Variants in AFG3L2 observed in about 807,000 individuals in gnomAD.
AFG3L2 encodes the protein mitochondrial inner membrane m-AAA protease component AFG3L2.
In AFG3L2, 54 loss-of-function variants were observed where a neutral mutation model predicts 94.5. The ratio of observed to expected loss-of-function variants is 0.57; its 90% confidence interval spans 0.46 to 0.72. The LOEUF (loss-of-function observed/expected upper bound fraction) is 0.72, where lower values mean the gene tolerates loss of function less well. AFG3L2 is among the 30% of genes least tolerant of loss of function. The probability of loss-of-function intolerance (pLI) is 0.00; values close to 1 mark genes in which losing one functional copy is unlikely to be tolerated. For synonymous variants in AFG3L2, 377 were observed against 365.5 expected, an observed-to-expected ratio of 1.03 and a Z score of -0.36; for missense variants, 754 against 994.9, an observed-to-expected ratio of 0.76 and a Z score of 3.26.
chr18:12,370,078 A>G (rs1301949910), intron 3 of AFG3L2, among the ~76,000 whole-genome samples: 1 of 149,838 alleles, frequency 6.7e-6, no homozygotes, highest in Non-Finnish European at 1.5e-5. Flanking sequence ...AAAAAAAAAA[A>G]GCAAGGAAGT....
rs368495001 is a variant in AFG3L2, at chr18:12,368,473, T to TA, written c.293-1092dup. Among the ~76,000 whole-genome samples the TA allele has an allele frequency of 3.9e-5, 6 of 152,294 alleles. No homozygotes were observed. The South Asian group carries it at 6.2e-4, about 16-fold the overall frequency. The stretch of plus-strand genomic sequence containing the variant: ...AAAGCCCATGGTTTTGACAAATGGC[T>TA]AAAAAAACACACCCACAGTTGGTAT... On this transcript the variant is annotated intron_variant, in intron 3 of 16. Coordinates refer to ENST00000269143, the MANE Select transcript of AFG3L2 (RefSeq NM_006796.3).
At chr18:12,348,200 C>A in intron 13 of AFG3L2, 73 bp downstream of exon 13, 1 of 1,326,192 alleles carries the variant, frequency 7.5e-7, no homozygotes, top group Non-Finnish European at 1.1e-6. Context: ...TAGTTCTTGC[C>A]CAAACAGAGA....
intron 12 of AFG3L2, 85 bp from the exon 13 acceptor site, chr18:12,348,468 T>C: frequency 1.9e-6 from 2 of 1,032,208 alleles, no homozygotes; most frequent in Non-Finnish European, 1.5e-6. Context: ...AATCCATAGT[T>C]AATTTTTAAA....
chr18:12,331,808 AATATAT>A (rs35558132), intron 16 of AFG3L2, among the ~76,000 whole-genome samples: 66 of 146,336 alleles, frequency 4.5e-4, no homozygotes, highest in African/African-American at 1.7e-3. Context: ...TAAATAAATA[AATATAT>A]ATATATATAT....
chr18:12,376,430 G>A (rs921051904), intron 1 of AFG3L2, among the ~76,000 whole-genome samples: 12 of 152,200 alleles, frequency 7.9e-5, no homozygotes, highest in African/African-American at 1.2e-4. Context: ...CTGAGAGCAG[G>A]CCCTGATATG....
intron 5 of AFG3L2, among the ~76,000 whole-genome samples, 164 bp downstream of exon 5, chr18:12,366,801 G>A (rs912168719): frequency 6.6e-6 from 1 of 152,182 alleles, no homozygotes; most frequent in African/African-American, 2.4e-5. Context: ...GTCAAAACAC[G>A]GGTTCTCTAG....
chr18:12,350,907 C>A (rs969575056), intron 12 of AFG3L2, among the ~76,000 whole-genome samples, 178 bp downstream of exon 12: 2 of 152,130 alleles, frequency 1.3e-5, no homozygotes, highest in African/African-American at 4.8e-5. Flanking sequence ...ATGATTACAC[C>A]ACTCAGTCCA....
chr18:12,354,070 T>G (rs542858236), intron 9 of AFG3L2, among the ~76,000 whole-genome samples: 31 of 147,964 alleles, frequency 2.1e-4, no homozygotes, highest in African/African-American at 7.7e-4. Context: ...ACTCAGCACC[T>G]CACCATCAGT....
chr18:12,359,915 A>G lies in AFG3L2; in HGVS notation c.752+12T>C. On this transcript the variant is annotated intron_variant, in intron 7 of 16. Transcript: ENST00000269143. The stretch of plus-strand genomic sequence containing the variant: ...CAGTCAACAGTCTACAAAATATTAT[A>G]TTTGAGATTACCCATCACTTTCAGC... 6.2e-7 allele frequency: 1 copy of G among 1,612,736 alleles called. No homozygotes were observed.
chr18:12,355,058 A>G (rs1267127987), intron 9 of AFG3L2, among the ~76,000 whole-genome samples: 1 of 152,064 alleles, frequency 6.6e-6, no homozygotes, highest in African/African-American at 2.4e-5. Context: ...TCTCTACTAA[A>G]AATACAAAAA....
chr18:12,338,845 T>C (rs1907839268), intron 15 of AFG3L2, among the ~76,000 whole-genome samples: 2 of 152,124 alleles, frequency 1.3e-5, no homozygotes, highest in Admixed American at 6.5e-5. Context: ...TGACATATGA[T>C]ATGAAAGATC....
intron 16 of AFG3L2, among the ~76,000 whole-genome samples, chr18:12,335,737 G>T (rs904805068): frequency 6.6e-6 from 1 of 152,166 alleles, no homozygotes; most frequent in African/African-American, 2.4e-5. Flanking sequence ...CATCCTTCTG[G>T]GTACCTCGGC....
At chr18:12,360,372 C>T in intron 6 of AFG3L2, 1 of 311,596 alleles carries the variant, frequency 3.2e-6, no homozygotes, top group Non-Finnish European at 6.0e-6. Flanking sequence ...TTTCCCTCTT[C>T]CTCTATTTCC....
chr18:12,340,322 T>A lies in AFG3L2; in HGVS notation c.1859A>T (p.Gln620Leu). 1 of 1,614,082 alleles carries A rather than the reference T, an allele frequency of 6.2e-7. No homozygotes were observed. Among genetic ancestry groups the A allele is most frequent in the Non-Finnish European group, 8.5e-7 (1 of 1,179,902 alleles). Reference protein sequence around the residue: ...PKEQYLYTKEQLLDRMCMTLG... With the variant: ...PKEQYLYTKELLLDRMCMTLG... The stretch of plus-strand genomic sequence containing the variant: ...AGTCATACACATCCTATCCAAGAGC[T>A]GCTCTTTGGTATAGAGGTATTGTTC... Residue 620 changes from glutamine (Q) to leucine (L), a missense_variant, in exon 15 of 17, where the codon CAG becomes CTG. Physicochemically the swap from Gln to Leu is moderately radical, Grantham distance 113. Coordinates refer to ENST00000269143, the MANE Select transcript of AFG3L2 (RefSeq NM_006796.3).
intron 3 of AFG3L2, among the ~76,000 whole-genome samples, chr18:12,367,933 C>T (rs1323416201): frequency 6.6e-6 from 1 of 152,130 alleles, no homozygotes; most frequent in Non-Finnish European, 1.5e-5. Context: ...CTTTGGGAGG[C>T]CAAGGTGGGC....
intron 13 of AFG3L2, among the ~76,000 whole-genome samples, chr18:12,344,960 A>C (rs149237256): frequency 5.1e-4 from 78 of 152,358 alleles, no homozygotes; most frequent in African/African-American, 1.8e-3. Context: ...TCCTCATTGC[A>C]TAGTCTAGGT....
At chr18:12,344,556 C>G (rs917560870) in intron 13 of AFG3L2, among the ~76,000 whole-genome samples, 7 of 152,004 alleles carry the variant, frequency 4.6e-5, no homozygotes, top group African/African-American at 1.7e-4. Flanking sequence ...CGCCTGTACT[C>G]CCAGCTGCTA....
chr18:12,356,302 C>T (rs995449229), intron 9 of AFG3L2, among the ~76,000 whole-genome samples: 1 of 152,106 alleles, frequency 6.6e-6, no homozygotes, highest in African/African-American at 2.4e-5. Flanking sequence ...TAGGCATGCG[C>T]GACCACGCCT....
intron 1 of AFG3L2, among the ~76,000 whole-genome samples, chr18:12,376,023 C>A (rs1344324354): frequency 6.6e-6 from 1 of 152,216 alleles, no homozygotes; most frequent in Non-Finnish European, 1.5e-5. Context: ...ATCGGAGGGT[C>A]TGCTACCCTA....
Sources: allele counts gnomAD v4.1 joint callset (sites outside exome capture counted in the v4.1 genomes callset), GRCh38; gene constraint gnomAD v4.1.1; transcripts MANE v1.5; gene names NCBI Gene and HGNC (gene_info 2026-07-23, HGNC 2026-07-21).